Variants in BCAR3 observed in about 807,000 individuals in gnomAD.
The protein encoded by BCAR3 is BCAR3 adaptor protein, NSP family member, also known as breast cancer anti-estrogen resistance protein 3.
BCAR3 carries 37 observed loss-of-function variants against 80.1 expected under a neutral mutation model. The ratio of observed to expected loss-of-function variants is 0.46; its 90% CI spans 0.36 to 0.61. BCAR3 has a LOEUF of 0.61. BCAR3 is among the 20% of genes least tolerant of loss of function. The pLI is 0.00. For missense variants in BCAR3, 978 were observed against 1,068.2 expected (o/e 0.92, Z 1.18); for synonymous variants, 389 against 418.9 (o/e 0.93, Z 0.87).
chr1:93,596,376 C>T (rs1674420114), intron 3 of BCAR3, among the ~76,000 whole-genome samples: 1 of 152,234 alleles, frequency 6.6e-6, no homozygotes. Flanking sequence ...GTTCCCATAG[C>T]CTTTTCTCCT....
intron 11 of BCAR3, among the ~76,000 whole-genome samples, chr1:93,565,908 T>C (rs532969073): frequency 5.3e-5 from 8 of 152,290 alleles, no homozygotes; most frequent in Admixed American, 6.5e-5. Context: ...AAAAATTATA[T>C]AGTAATGGAA....
chr1:93,640,812 T>C (rs1024960537), intron 3 of BCAR3, among the ~76,000 whole-genome samples: 9 of 152,206 alleles, frequency 5.9e-5, no homozygotes, highest in Non-Finnish European at 1.2e-4. Flanking sequence ...AAAACTGGTA[T>C]TGGAGTAAGA....
intron 2 of BCAR3, among the ~76,000 whole-genome samples, chr1:93,664,805 G>A (rs1647822498): frequency 6.6e-6 from 1 of 152,130 alleles, no homozygotes; most frequent in African/African-American, 2.4e-5. Context: ...AGAGGATCTG[G>A]CATCAGTGAA....
chr1:93,680,771 C>T (rs1318299952), intron 1 of BCAR3, among the ~76,000 whole-genome samples: 2 of 152,214 alleles, frequency 1.3e-5, no homozygotes, highest in African/African-American at 2.4e-5. Context: ...TGACCCGACC[C>T]GCCGCCCCAC....
chr1:93,762,057 G>T (rs2100727838), intron 2 of BCAR3, among the ~76,000 whole-genome samples: 2 of 152,216 alleles, frequency 1.3e-5, no homozygotes, highest in African/African-American at 4.8e-5. Context: ...TTGTCACCAG[G>T]GTCCCACAGA....
chr1:93,596,663 C>T (rs888998728), intron 3 of BCAR3, among the ~76,000 whole-genome samples: 13 of 152,170 alleles, frequency 8.5e-5, no homozygotes, highest in African/African-American at 2.2e-4. Flanking sequence ...ATGCAATAAA[C>T]GTTAATAATG....
intron 2 of BCAR3, among the ~76,000 whole-genome samples, chr1:93,834,668 C>T (rs1311833145): frequency 1.3e-5 from 2 of 152,200 alleles, no homozygotes; most frequent in African/African-American, 4.8e-5. Flanking sequence ...TTTAGAAGCC[C>T]TCAAAATCAC....
At chr1:93,675,267 A>G (rs1648418724) in intron 1 of BCAR3, among the ~76,000 whole-genome samples, 2 of 152,248 alleles carry the variant, frequency 1.3e-5, no homozygotes, top group Non-Finnish European at 2.9e-5. Context: ...TTGCAGTAAT[A>G]AATGTACGAA....
At chr1:93,767,108 T>C (rs1652180680) in intron 2 of BCAR3, among the ~76,000 whole-genome samples, 1 of 152,198 alleles carries the variant, frequency 6.6e-6, no homozygotes, top group South Asian at 2.1e-4. Flanking sequence ...TTGAATCTGG[T>C]ACGAGACTAT....
At chr1:93,829,602 T>C (rs997371819) in intron 2 of BCAR3, among the ~76,000 whole-genome samples, 8 of 152,032 alleles carry the variant, frequency 5.3e-5, no homozygotes, top group African/African-American at 1.9e-4. Context: ...TGTATTACCT[T>C]GGCCTCCCAA....
intron 8 of BCAR3, among the ~76,000 whole-genome samples, chr1:93,573,615 A>ATTGGTTT (rs919862286): frequency 7.7e-6 from 1 of 129,800 alleles, no homozygotes; most frequent in African/African-American, 3.0e-5. Context: ...TATTTTTATT[A>ATTGGTTT]TTATTATTAT....
At chr1:93,661,450 G>C (rs1430466441) in intron 2 of BCAR3, among the ~76,000 whole-genome samples, 1 of 151,556 alleles carries the variant, frequency 6.6e-6, no homozygotes, top group Non-Finnish European at 1.5e-5. Context: ...TCAAAATGCT[G>C]GCATTACAGG....
upstream of BCAR3, among the ~76,000 whole-genome samples, chr1:93,685,754 G>T (rs1407273464): frequency 6.6e-6 from 1 of 152,116 alleles, no homozygotes; most frequent in Non-Finnish European, 1.5e-5. Context: ...AGCAATGTAA[G>T]AAAATGCCTA....
At chr1:93,705,359 G>A (rs765743101) in intron 3 of BCAR3, among the ~76,000 whole-genome samples, 10 of 152,184 alleles carry the variant, frequency 6.6e-5, no homozygotes, top group Non-Finnish European at 1.2e-4. Flanking sequence ...CGGAAATAAA[G>A]GAAAACTGAC....
rs183913948 is a variant in BCAR3, at chr1:93,655,585, T to G, written c.318-13242A>C. ...TGTTAACAATGAATTAGCAAATACC[T>G]TTGCCTCCAAGCACTATACTATACT... On this transcript the variant is annotated intron_variant, in intron 2 of 11. Coordinates refer to ENST00000260502, the MANE Select transcript of BCAR3 (RefSeq NM_003567.4). Among the ~76,000 whole-genome samples the G allele has an allele frequency of 2.7e-3, 405 of 152,290 alleles. 2 individuals are homozygous for G. Among genetic ancestry groups the G allele is most frequent in the Middle Eastern group, 0.017 (5 of 294 alleles).
chr1:93,590,565 C>T (rs1261117882), intron 4 of BCAR3, among the ~76,000 whole-genome samples: 6 of 152,286 alleles, frequency 3.9e-5, no homozygotes, highest in Non-Finnish European at 7.4e-5. Context: ...GATAAGGAGA[C>T]GGACGGTGGT....
At chr1:93,775,420 G>A (rs1041587637) in intron 2 of BCAR3, 11 of 152,358 alleles carry the variant, frequency 7.2e-5, no homozygotes, top group Admixed American at 6.5e-4. Flanking sequence ...TACCTGCCCA[G>A]CACGCGCGCG....
At chr1:93,827,686 A>C (rs111759079) in intron 2 of BCAR3, among the ~76,000 whole-genome samples, 2 of 151,974 alleles carry the variant, frequency 1.3e-5, no homozygotes, top group African/African-American at 4.8e-5. Flanking sequence ...TTGTAAACGC[A>C]TCTAAAAGGA....
chr1:93,818,896 C>G (rs889045144), intron 2 of BCAR3, among the ~76,000 whole-genome samples: 5 of 152,070 alleles, frequency 3.3e-5, no homozygotes, highest in African/African-American at 4.8e-5. Flanking sequence ...AGTGTAAGCA[C>G]CTAAAACACT....
Sources: allele counts gnomAD v4.1 joint callset (sites outside exome capture counted in the v4.1 genomes callset), GRCh38; gene constraint gnomAD v4.1.1; transcripts MANE v1.5; gene names NCBI Gene and HGNC (gene_info 2026-07-23, HGNC 2026-07-21).